Variants in PDE1A observed in about 807,000 individuals in gnomAD.
The protein encoded by PDE1A is dual specificity calcium/calmodulin-dependent 3',5'-cyclic nucleotide phosphodiesterase 1A.
Under a neutral mutation model 61.7 loss-of-function variants are expected in PDE1A, and 35 were observed. That is an observed-to-expected ratio of 0.57 (90% CI 0.43 to 0.75). The LOEUF is 0.75. PDE1A is among the 30% of genes least tolerant of loss of function. The pLI is 0.00. For missense variants in PDE1A, 597 were observed against 630.6 expected (o/e 0.95, Z 0.57); for synonymous variants, 232 against 213.2 (o/e 1.09, Z -0.77).
chr2:182,557,415 T>A, the PDE1A span, among the ~76,000 whole-genome samples: 1 of 151,946 alleles, frequency 6.6e-6, no homozygotes, highest in East Asian at 2.0e-4. Flanking sequence ...TTCTGGCCCA[T>A]TTAAAAATGT....
At chr2:182,259,679 T>A (rs1692085125) in intron 2 of PDE1A, among the ~76,000 whole-genome samples, 2 of 152,238 alleles carry the variant, frequency 1.3e-5, no homozygotes, top group Admixed American at 1.3e-4. Context: ...GTCTAAGCGC[T>A]AATCATCGAA....
At chr2:182,171,496 GAGAT>G (rs1222563170) in intron 13 of PDE1A, among the ~76,000 whole-genome samples, 3 of 151,930 alleles carry the variant, frequency 2.0e-5, no homozygotes, top group South Asian at 2.1e-4. Flanking sequence ...AATGAGAAGA[GAGAT>G]AGATAGAGAC....
chr2:182,237,380 C>G (rs1030290885), intron 3 of PDE1A, among the ~76,000 whole-genome samples: 1 of 151,988 alleles, frequency 6.6e-6, no homozygotes, highest in Admixed American at 6.6e-5. Flanking sequence ...CCTGTAATCC[C>G]AGCAGGAGAA....
At chr2:182,464,165 A>G (rs1346775) in intron 2 of PDE1A, among the ~76,000 whole-genome samples, 24,829 of 152,140 alleles carry the variant, frequency 0.16, 2,515 homozygotes, top group Middle Eastern at 0.31. Context: ...GGCTACTGAT[A>G]TCATGGAGAT....
intron 2 of PDE1A, among the ~76,000 whole-genome samples, chr2:182,490,545 T>G (rs1257297848): frequency 6.6e-6 from 1 of 152,090 alleles, no homozygotes; most frequent in Non-Finnish European, 1.5e-5. Context: ...AATTTTGTTT[T>G]TGTATTTTTA....
At chr2:182,200,911 AAAGAT>A (rs1686566785) in intron 10 of PDE1A, among the ~76,000 whole-genome samples, 1 of 152,206 alleles carries the variant, frequency 6.6e-6, no homozygotes, top group African/African-American at 2.4e-5. Flanking sequence ...TGTATAAAGA[AAAGAT>A]GTGTACTTGT....
At chr2:182,526,477 G>T (rs1368448300), upstream of PDE1A, among the ~76,000 whole-genome samples, 1 of 152,128 alleles carries the variant, frequency 6.6e-6, no homozygotes, top group Admixed American at 6.5e-5. Flanking sequence ...AACCATAAAA[G>T]GCTACCCATG....
In PDE1A at chr2:182,325,655, C is replaced by T. The variant is rs568749792; in HGVS notation, c.54-61241G>A. ...AAACCCAGCTGGGCGTGCTGCCTCA[C>T]GTCTGTAATCCCAGTAGTTTGGGAG... On this transcript the variant is annotated intron_variant, in intron 1 of 13. Transcript: ENST00000351439. 2.0e-4 allele frequency among the ~76,000 whole-genome samples: 30 copies of T among 152,298 alleles called. 1 individual carries two copies. The highest frequency in any genetic ancestry group is 6.3e-4 in the African/African-American group (26 of 41,560).
At chr2:182,438,838 G>T (rs1297470798) in intron 2 of PDE1A, among the ~76,000 whole-genome samples, 1 of 151,984 alleles carries the variant, frequency 6.6e-6, no homozygotes, top group South Asian at 2.1e-4. Context: ...TCAGAGAAAT[G>T]ATACTTTCTA....
At chr2:182,431,432 C>T (rs988706125), upstream of PDE1A, among the ~76,000 whole-genome samples, 1 of 152,108 alleles carries the variant, frequency 6.6e-6, no homozygotes, top group Non-Finnish European at 1.5e-5. Context: ...AGTGGAACAC[C>T]ACTTGGTCAA....
At chr2:182,364,466 T>TAAAGAAAAAAA (rs1699700538) in intron 1 of PDE1A, among the ~76,000 whole-genome samples, 2 of 35,840 alleles carry the variant, frequency 5.6e-5, no homozygotes, top group Non-Finnish European at 1.0e-4. Context: ...AACACTTTGG[T>TAAAGAAAAAAA]AAAAAAAAAA....
intron 1 of PDE1A, chr2:182,522,478 TTATC>T: frequency 1.3e-6 from 2 of 1,562,296 alleles, no homozygotes; most frequent in South Asian, 1.2e-5. Context: ...GTAGCCTCTC[TTATC>T]TATCAAAACA....
chr2:182,498,403 T>C (rs1368605754), intron 2 of PDE1A, among the ~76,000 whole-genome samples: 1 of 151,738 alleles, frequency 6.6e-6, no homozygotes, highest in East Asian at 1.9e-4. Context: ...TTAGAAAGGC[T>C]GAGAGATAGA....
the PDE1A span, among the ~76,000 whole-genome samples, chr2:182,547,412 T>C: frequency 6.6e-6 from 1 of 152,246 alleles, no homozygotes; most frequent in African/African-American, 2.4e-5. Flanking sequence ...CTCCATCTTA[T>C]GCCTTCCTGC....
At chr2:182,177,063 T>C (rs1684302171) in intron 13 of PDE1A, among the ~76,000 whole-genome samples, 1 of 151,464 alleles carries the variant, frequency 6.6e-6, no homozygotes, top group African/African-American at 2.4e-5. Flanking sequence ...ATACGCTTTT[T>C]GATGTGCTGC....
At chr2:182,156,972 A>G (rs1022176963) in intron 13 of PDE1A, among the ~76,000 whole-genome samples, 7 of 149,294 alleles carry the variant, frequency 4.7e-5, no homozygotes, top group African/African-American at 7.3e-5. Flanking sequence ...GTTTCGTTGA[A>G]TTTTTTATTT....
chr2:182,499,032 GGC>G (rs1366113703), intron 2 of PDE1A, among the ~76,000 whole-genome samples: 4 of 151,820 alleles, frequency 2.6e-5, no homozygotes, highest in African/African-American at 9.7e-5. Flanking sequence ...CTGTCACCCA[GGC>G]TGGAGTGCAA....
At chr2:182,218,668 C>T (rs139599517) in intron 7 of PDE1A, among the ~76,000 whole-genome samples, 3 of 151,918 alleles carry the variant, frequency 2.0e-5, no homozygotes, top group Non-Finnish European at 4.4e-5. Flanking sequence ...ATATCATAAA[C>T]GTGGGTTGGA....
At chr2:182,546,449 C>T in the PDE1A span, among the ~76,000 whole-genome samples, 1 of 152,076 alleles carries the variant, frequency 6.6e-6, no homozygotes, top group African/African-American at 2.4e-5. Context: ...AAGATGGATA[C>T]CCCCTATCAG....
Sources: gnomAD v4.1 joint callset for allele counts (sites outside exome capture counted in the v4.1 genomes callset) on GRCh38, gnomAD v4.1.1 for gene constraint, MANE v1.5 for transcripts, NCBI Gene and HGNC (gene_info 2026-07-23, HGNC 2026-07-21) for gene names.